The following MEOX2 variants were observed in gnomAD, a reference collection of about 807,000 sequenced individuals.
MEOX2 encodes the protein mesenchyme homeobox 2.
A neutral mutation model predicts 27.0 loss-of-function variants in MEOX2; 11 were observed. That is an observed-to-expected ratio of 0.41 (90% CI 0.26 to 0.68). MEOX2 has a LOEUF of 0.68. Among genes scored for constraint, MEOX2 ranks in the 30% least tolerant of loss-of-function variants. The pLI, the probability that MEOX2 is intolerant of heterozygous loss-of-function variation, is 0.33. For missense variants in MEOX2, 436 were observed against 385.4 expected (o/e 1.13, Z -1.10); for synonymous variants, 189 against 155.4 (o/e 1.22, Z -1.61).
At chr7:15,664,911 T>C (rs1430819798) in intron 1 of MEOX2, among the ~76,000 whole-genome samples, 2 of 152,188 alleles carry the variant, frequency 1.3e-5, no homozygotes, top group Non-Finnish European at 2.9e-5. Context: ...TACTTTATCT[T>C]GGAGGATGAA....
chr7:15,680,866 G>A (rs1048977408), intron 1 of MEOX2: 13 of 150,706 alleles, frequency 8.6e-5, no homozygotes, highest in African/African-American at 2.9e-4. Context: ...TTATTTTTTT[G>A]CTTTTGATTT....
intron 1 of MEOX2, among the ~76,000 whole-genome samples, chr7:15,640,252 GTT>G (rs1562602083): frequency 7.0e-6 from 1 of 143,240 alleles, no homozygotes. Context: ...GTGTGTGTGT[GTT>G]TGTGTGTGTG....
chr7:15,671,098 AT>A (rs1357593815), intron 1 of MEOX2, among the ~76,000 whole-genome samples: 2 of 152,132 alleles, frequency 1.3e-5, no homozygotes, highest in Non-Finnish European at 2.9e-5. Flanking sequence ...AATTCTCTCT[AT>A]TTTTTAAATG....
intron 1 of MEOX2, among the ~76,000 whole-genome samples, chr7:15,682,835 T>C (rs1471733185): frequency 6.6e-6 from 1 of 151,984 alleles, no homozygotes; most frequent in East Asian, 1.9e-4. Context: ...AAGAGTCCCT[T>C]TGAAGACGTG....
At chr7:15,644,501 C>T (rs575365098) in intron 1 of MEOX2, among the ~76,000 whole-genome samples, 1 of 152,234 alleles carries the variant, frequency 6.6e-6, no homozygotes, top group African/African-American at 2.4e-5. Flanking sequence ...AGAACATAGA[C>T]CCAAGAAAGT....
chr7:15,626,223 A>G (rs1479150346), intron 2 of MEOX2, among the ~76,000 whole-genome samples: 2 of 152,154 alleles, frequency 1.3e-5, no homozygotes, highest in Non-Finnish European at 2.9e-5. Flanking sequence ...GATGCTAAAG[A>G]GTCAGAATGG....
At chr7:15,651,483 T>C (rs1486373613) in intron 1 of MEOX2, among the ~76,000 whole-genome samples, 1 of 152,020 alleles carries the variant, frequency 6.6e-6, no homozygotes, top group East Asian at 1.9e-4. Flanking sequence ...TACAGGGTTC[T>C]TGATATTGAC....
intron 1 of MEOX2, among the ~76,000 whole-genome samples, chr7:15,655,429 G>C (rs1306130106): frequency 1.3e-5 from 2 of 151,240 alleles, no homozygotes; most frequent in Non-Finnish European, 3.0e-5. Context: ...CTTGCTTTGA[G>C]TTTATTTTGC....
intron 2 of MEOX2, among the ~76,000 whole-genome samples, chr7:15,613,816 T>G (rs1377713361): frequency 1.3e-5 from 2 of 152,096 alleles, no homozygotes; most frequent in Non-Finnish European, 2.9e-5. Context: ...AGCACCATTT[T>G]TCTGTTCTAC....
intron 1 of MEOX2, among the ~76,000 whole-genome samples, chr7:15,667,395 C>T (rs1261157632): frequency 1.3e-5 from 2 of 150,482 alleles, no homozygotes; most frequent in Non-Finnish European, 3.0e-5. Flanking sequence ...ATATTTGCAT[C>T]ATGTTTGCTG....
At position 15,675,111 on chromosome 7, in the gene MEOX2, A is replaced by T. The variant is rs973667919; in HGVS notation, c.517+10775T>A. On this transcript the variant is annotated intron_variant, in intron 1 of 2. Transcript: ENST00000262041. ...TAAATGTTAAATTTTTAAACAAAAA[A>T]CAGATACTTCAATTCACAAATAACT... is the stretch of plus-strand genomic sequence containing the variant. 3.9e-5 allele frequency among the ~76,000 whole-genome samples: 6 copies of T among 152,310 alleles called. No individual in the cohort carries two copies. The East Asian group carries it at 1.2e-3, about 29-fold the overall frequency.
At chr7:15,643,754 C>A (rs1397135175) in intron 1 of MEOX2, among the ~76,000 whole-genome samples, 1 of 152,210 alleles carries the variant, frequency 6.6e-6, no homozygotes, top group African/African-American at 2.4e-5. Context: ...CTGTGCCACA[C>A]TCTTCTCTGT....
chr7:15,657,482 C>T (rs1293117612), intron 1 of MEOX2, among the ~76,000 whole-genome samples: 1 of 152,102 alleles, frequency 6.6e-6, no homozygotes, highest in Non-Finnish European at 1.5e-5. Context: ...TTAAGCTCAT[C>T]CATTGAGATT....
chr7:15,622,394 T>A (rs1325562833), intron 2 of MEOX2, among the ~76,000 whole-genome samples: 1 of 152,108 alleles, frequency 6.6e-6, no homozygotes, highest in Non-Finnish European at 1.5e-5. Context: ...AGCCTATAAG[T>A]CCTGTCTTTG....
intron 2 of MEOX2, among the ~76,000 whole-genome samples, chr7:15,621,395 G>A (rs1000637778): frequency 6.6e-6 from 1 of 152,110 alleles, no homozygotes; most frequent in Non-Finnish European, 1.5e-5. Flanking sequence ...TGCAGAATGA[G>A]CCTCTTTTTT....
intron 1 of MEOX2, among the ~76,000 whole-genome samples, chr7:15,652,088 T>C (rs1237035711): frequency 2.6e-5 from 4 of 152,158 alleles, no homozygotes; most frequent in African/African-American, 9.6e-5. Flanking sequence ...TTTAAGATAA[T>C]AGGGATTTAA....
Position 15,686,434 on chromosome 7 carries a change from C to T in MEOX2, c.-32G>A, listed in dbSNP as rs1782387378. 2.0e-6 allele frequency: 3 copies of T among 1,536,046 alleles called. No homozygotes were observed. Among genetic ancestry groups the T allele is most frequent in the East Asian group, 4.9e-5 (2 of 40,950 alleles). On this transcript the variant is annotated 5_prime_UTR_variant, in exon 1 of 3. Coordinates refer to ENST00000262041, the MANE Select transcript of MEOX2 (RefSeq NM_005924.5). ...CAAGTTTCGGGTTCCAGGCAGAAGACTTCACGGCGGTTCCAAAGGCCACCA... is the reference window on the plus strand; with the variant it reads ...CAAGTTTCGGGTTCCAGGCAGAAGATTTCACGGCGGTTCCAAAGGCCACCA...
At chr7:15,681,789 T>C (rs1348835893) in intron 1 of MEOX2, 3 of 151,806 alleles carry the variant, frequency 2.0e-5, no homozygotes, top group Non-Finnish European at 4.4e-5. Context: ...ATTAAAACTT[T>C]AAATACTAAG....
chr7:15,685,040 T>C (rs1211992992), intron 1 of MEOX2, among the ~76,000 whole-genome samples: 1 of 151,786 alleles, frequency 6.6e-6, no homozygotes, highest in Non-Finnish European at 1.5e-5. Context: ...CACCCTTGCA[T>C]ACCCCTTTAG....
Sources: allele counts gnomAD v4.1 joint callset (sites outside exome capture counted in the v4.1 genomes callset), GRCh38; gene constraint gnomAD v4.1.1; transcripts MANE v1.5; gene names NCBI Gene and HGNC (gene_info 2026-07-23, HGNC 2026-07-21).